Variants in COL14A1 observed in about 807,000 individuals in gnomAD.
COL14A1 encodes collagen alpha-1(XIV) chain.
COL14A1 carries 136 observed loss-of-function variants against 230.3 expected under a neutral mutation model. The ratio of observed to expected loss-of-function variants is 0.59; its 90% CI spans 0.51 to 0.68. COL14A1 has a LOEUF of 0.68. COL14A1 is among the 30% of genes least tolerant of loss of function. The pLI is 0.00. For synonymous variants in COL14A1, 792 were observed against 784.1 expected, an observed-to-expected ratio of 1.01 and a Z score of -0.17; for missense variants, 1,976 against 2,215.8, an observed-to-expected ratio of 0.89 and a Z score of 2.17.
intron 47 of COL14A1, chr8:120,370,380 C>T: frequency 1.2e-6 from 2 of 1,611,516 alleles, no homozygotes; most frequent in Non-Finnish European, 8.5e-7. Context: ...TGGAAATCCT[C>T]CACTCTGGTT....
At chr8:120,235,541 A>T in intron 19 of COL14A1, among the ~76,000 whole-genome samples, 2 of 151,754 alleles carry the variant, frequency 1.3e-5, no homozygotes, top group East Asian at 3.9e-4. Context: ...TGGTCTATTT[A>T]TTTTTTTAAT....
rs528902647 is a variant in COL14A1 at position 120,263,129 on chromosome 8, C to G, written c.3016+115C>G. The G allele has an allele frequency of 2.6e-6, 3 of 1,139,078 alleles. No individual in the cohort carries two copies. In the Admixed American group the frequency reaches 9.9e-5, roughly 37 times the overall value. The allele number at this position is 1,139,078 out of a possible 1,614,324, so 70.6% of individuals were successfully genotyped here. ...TTAGCTATTGCTGTTCAGGAATATACGTAATACAAGTTTTGTTCCTCTTAC... is the reference window on the plus strand; with the variant it reads ...TTAGCTATTGCTGTTCAGGAATATAGGTAATACAAGTTTTGTTCCTCTTAC... On this transcript the variant is annotated intron_variant, in intron 24 of 47. Coordinates refer to ENST00000297848, the MANE Select transcript of COL14A1 (RefSeq NM_021110.4).
In COL14A1 at chr8:120,268,794, A is replaced by G. The variant is rs183383694; in HGVS notation, c.3074-1241A>G. The stretch of plus-strand genomic sequence containing the variant: ...TATATTTTCTTTCTTTGATTTACTA[A>G]CTATTCATTTTGAGTGTATTTTTTA... On this transcript the variant is annotated intron_variant, in intron 25 of 47. Transcript: ENST00000297848. Among the ~76,000 whole-genome samples, 271 of 151,800 alleles carry G rather than the reference A, an allele frequency of 1.8e-3. 1 individual carries two copies. Among genetic ancestry groups the G allele is most frequent in the African/African-American group, 6.3e-3 (262 of 41,502 alleles).
At position 120,168,201 on chromosome 8, in the gene COL14A1, CA is replaced by C. The variant is rs1401723433; in HGVS notation, c.393del (p.Val132LeufsTer16). On this transcript the variant is annotated frameshift_variant, in exon 5 of 48. Coordinates refer to ENST00000297848, the MANE Select transcript of COL14A1 (RefSeq NM_021110.4). LOFTEE classifies it high-confidence loss of function. ...EKRKDPKPRV[K>X]VVDRGNGSRP... Reference sequence around the variant, plus strand: ...AAAGAAAGGATCCAAAGCCCAGAGTCAAAGTTGTGGACAGAGGAAATGGGAG... The same window carrying C: ...AAAGAAAGGATCCAAAGCCCAGAGTCAAGTTGTGGACAGAGGAAATGGGAG... 1 of 1,612,660 alleles carries C rather than the reference CA, an allele frequency of 6.2e-7. No individual in the cohort carries two copies. Among genetic ancestry groups the C allele is most frequent in the Non-Finnish European group, 8.5e-7 (1 of 1,179,266 alleles).
intron 36 of COL14A1, among the ~76,000 whole-genome samples, chr8:120,309,303 A>G (rs1820952225): frequency 6.6e-6 from 1 of 152,182 alleles, no homozygotes; most frequent in Admixed American, 6.5e-5. Flanking sequence ...AGTTTTAGCA[A>G]GCGATACTTT....
At chr8:120,349,833 C>G (rs1822677297) in intron 45 of COL14A1, among the ~76,000 whole-genome samples, 1 of 144,326 alleles carries the variant, frequency 6.9e-6, no homozygotes, top group Admixed American at 6.9e-5. Context: ...TCCAGGAGAA[C>G]TTCCCCAATC....
chr8:120,326,110 C>T (rs1239620916), intron 40 of COL14A1, among the ~76,000 whole-genome samples: 3 of 152,184 alleles, frequency 2.0e-5, no homozygotes, highest in Non-Finnish European at 4.4e-5. Flanking sequence ...GAAGAAGGGC[C>T]TGAACCCTGC....
intron 10 of COL14A1, 71 bp downstream of exon 10, chr8:120,207,165 G>A: frequency 2.4e-6 from 3 of 1,248,622 alleles, no homozygotes; most frequent in Admixed American, 2.9e-5. Flanking sequence ...TGAGAACAAG[G>A]CAGAAATATA....
chr8:120,126,606 C>T (rs562988058), intron 1 of COL14A1, among the ~76,000 whole-genome samples: 3 of 152,144 alleles, frequency 2.0e-5, no homozygotes, highest in Non-Finnish European at 4.4e-5. Flanking sequence ...CTGTTAAAGG[C>T]CTTGGGGCCC....
At chr8:120,343,139 C>T (rs774493846) in intron 44 of COL14A1, among the ~76,000 whole-genome samples, 4 of 152,182 alleles carry the variant, frequency 2.6e-5, no homozygotes, top group African/African-American at 4.8e-5. Flanking sequence ...CACTTTTGCA[C>T]GTTTCTGCTC....
intron 17 of COL14A1, 21 bp from the exon 18 acceptor site, chr8:120,228,688 TA>T (rs1818167325): frequency 6.3e-7 from 1 of 1,596,674 alleles, no homozygotes; most frequent in Non-Finnish European, 8.6e-7. Context: ...TGCAGCATTT[TA>T]AAGTAATATA....
Position 120,216,354 on chromosome 8 carries a change from CT to C in COL14A1, c.1604del (p.Leu535Ter). 1 of 1,606,440 alleles carries C rather than the reference CT, an allele frequency of 6.2e-7. No homozygotes were observed. Among genetic ancestry groups the C allele is most frequent in the Non-Finnish European group, 8.5e-7 (1 of 1,178,176 alleles). On this transcript the variant is annotated frameshift_variant, in exon 14 of 48. Coordinates refer to ENST00000297848, the MANE Select transcript of COL14A1 (RefSeq NM_021110.4). LOFTEE classifies it high-confidence loss of function. ...TTCTATTCCATTTACTGCCAAGTGGCTTTAAGTCCACCAAGAAACCTGAGAA... is the reference window on the plus strand; with the variant it reads ...TTCTATTCCATTTACTGCCAAGTGGCTTAAGTCCACCAAGAAACCTGAGAA... ...DPVTGQETTL[A>X]LSPPRNLRIS...
intron 5 of COL14A1, among the ~76,000 whole-genome samples, chr8:120,178,725 C>T (rs1816367086): frequency 6.6e-6 from 1 of 152,200 alleles, no homozygotes; most frequent in Non-Finnish European, 1.5e-5. Flanking sequence ...TCTCCACATC[C>T]TCTCTAGCAT....
Position 120,188,016 on chromosome 8 carries a change from T to C in COL14A1, c.437-8775T>C, listed in dbSNP as rs180893531. 1.6e-3 allele frequency among the ~76,000 whole-genome samples: 249 copies of C among 152,116 alleles called. 1 individual carries two copies. The highest frequency in any genetic ancestry group is 3.7e-3 in the South Asian group (18 of 4,800). On this transcript the variant is annotated intron_variant, in intron 5 of 47. Coordinates refer to ENST00000297848, the MANE Select transcript of COL14A1 (RefSeq NM_021110.4). ...CCTTTCTGACTGCAAATGGGAATAA[T>C]AGTAATGGTACCTGTTCCATAGAGT...
At chr8:120,294,515 T>C (rs12676121) in intron 34 of COL14A1, among the ~76,000 whole-genome samples, 71,987 of 149,770 alleles carry the variant, frequency 0.48, 17,674 homozygotes, top group African/African-American at 0.58. Flanking sequence ...AAAAAAGGGC[T>C]GCTTCTTGGA....
intron 26 of COL14A1, among the ~76,000 whole-genome samples, chr8:120,271,857 T>C (rs1017851873): frequency 3.3e-5 from 5 of 151,436 alleles, no homozygotes; most frequent in Non-Finnish European, 7.4e-5. Context: ...AGATCTGATA[T>C]GTTTCAGAAA....
chr8:120,199,848 A>G (rs534383633), intron 8 of COL14A1, among the ~76,000 whole-genome samples: 14 of 152,168 alleles, frequency 9.2e-5, no homozygotes, highest in South Asian at 4.1e-4. Context: ...GGTCAGGTAC[A>G]TGTTTGTTAC....
intron 26 of COL14A1, among the ~76,000 whole-genome samples, chr8:120,270,779 A>C (rs1455106417): frequency 6.6e-6 from 1 of 151,798 alleles, no homozygotes; most frequent in Non-Finnish European, 1.5e-5. Context: ...GTTGGCAGAA[A>C]CGTAAATTAA....
At chr8:120,150,889 A>G (rs894137251) in intron 2 of COL14A1, among the ~76,000 whole-genome samples, 2 of 152,162 alleles carry the variant, frequency 1.3e-5, no homozygotes, top group Admixed American at 1.3e-4. Context: ...TAGAACTAGA[A>G]TTAGGAAGGG....
Sources: gnomAD v4.1 joint callset for allele counts (sites outside exome capture counted in the v4.1 genomes callset) on GRCh38, gnomAD v4.1.1 for gene constraint, MANE v1.5 for transcripts, NCBI Gene and HGNC (gene_info 2026-07-23, HGNC 2026-07-21) for gene names.